The following PCDH15 variants were observed in gnomAD, a reference collection of about 807,000 sequenced individuals.
The protein encoded by PCDH15 is protocadherin-15.
A neutral mutation model predicts 178.5 loss-of-function variants in PCDH15; 129 were observed. That is an observed-to-expected ratio of 0.72 (90% CI 0.63 to 0.84). The LOEUF is 0.84. Among genes scored for constraint, PCDH15 ranks in the 40% least tolerant of loss-of-function variants. The pLI, the probability that PCDH15 is intolerant of heterozygous loss-of-function variation, is 0.00. For missense variants in PCDH15, 2,230 were observed against 2,099.9 expected (o/e 1.06, Z -1.21); for synonymous variants, 800 against 732.0 (o/e 1.09, Z -1.50).
At chr10:54,813,372 A>G (rs996530422) in intron 3 of PCDH15, among the ~76,000 whole-genome samples, 2 of 152,164 alleles carry the variant, frequency 1.3e-5, no homozygotes, top group African/African-American at 4.8e-5. Context: ...TGGTTATACC[A>G]GAAACTCAAA....
chr10:55,494,414 T>A (rs1280270451), intron 2 of PCDH15, among the ~76,000 whole-genome samples: 1 of 151,750 alleles, frequency 6.6e-6, no homozygotes, highest in Non-Finnish European at 1.5e-5. Flanking sequence ...CACTTTTGAT[T>A]GGATTGTTTA....
intron 1 of PCDH15, among the ~76,000 whole-genome samples, chr10:55,250,532 TTC>T (rs1463202038): frequency 7.1e-6 from 1 of 141,500 alleles, no homozygotes; most frequent in African/African-American, 2.7e-5. Context: ...TTTAAATAAA[TTC>T]TTTTTTTTTT....
At chr10:55,446,876 G>A (rs1257744499) in intron 2 of PCDH15, among the ~76,000 whole-genome samples, 3 of 152,002 alleles carry the variant, frequency 2.0e-5, no homozygotes, top group Admixed American at 6.6e-5. Flanking sequence ...GACTTGTGAA[G>A]CAATCAAACC....
chr10:55,022,717 T>C (rs907395736), intron 2 of PCDH15, among the ~76,000 whole-genome samples: 3 of 147,992 alleles, frequency 2.0e-5, no homozygotes, highest in African/African-American at 4.9e-5. Context: ...TTTTCTTTTT[T>C]TTTTTTTTTT....
chr10:54,335,964 G>A (rs780962359), intron 6 of PCDH15, among the ~76,000 whole-genome samples: 2 of 152,136 alleles, frequency 1.3e-5, no homozygotes, highest in South Asian at 2.1e-4. Context: ...TAATGATACG[G>A]ACAATGAAAT....
At chr10:54,381,745 G>A (rs549896505) in intron 3 of PCDH15, among the ~76,000 whole-genome samples, 1 of 152,024 alleles carries the variant, frequency 6.6e-6, no homozygotes, top group Non-Finnish European at 1.5e-5. Flanking sequence ...CCCAAGATGG[G>A]ATTCACCTTA....
intron 1 of PCDH15, among the ~76,000 whole-genome samples, chr10:55,222,730 C>CACACACACACACACACACATATATAT: frequency 2.5e-5 from 3 of 121,250 alleles, no homozygotes; most frequent in African/African-American, 1.0e-4. Flanking sequence ...CACACACACA[C>CACACACACACACACACACATATATAT]ATATATATAT....
At chr10:55,495,672 A>G (rs549824221) in intron 2 of PCDH15, among the ~76,000 whole-genome samples, 22 of 151,976 alleles carry the variant, frequency 1.4e-4, no homozygotes, top group Admixed American at 1.4e-3. Flanking sequence ...GTTCTTTAAG[A>G]AACAAATTTT....
intron 2 of PCDH15, among the ~76,000 whole-genome samples, chr10:55,414,959 G>A (rs1348824132): frequency 6.6e-6 from 1 of 151,484 alleles, no homozygotes; most frequent in Non-Finnish European, 1.5e-5. Context: ...CTAGCACTAT[G>A]TTCAGTAGAA....
intron 2 of PCDH15, among the ~76,000 whole-genome samples, chr10:55,586,184 A>G (rs968806978): frequency 2.0e-5 from 3 of 152,142 alleles, no homozygotes; most frequent in African/African-American, 7.2e-5. Flanking sequence ...AGATATAGAA[A>G]CAGATGCCAA....
At chr10:54,702,937 TTGA>T (rs1339186501) in intron 1 of PCDH15, among the ~76,000 whole-genome samples, 1 of 151,924 alleles carries the variant, frequency 6.6e-6, no homozygotes, top group Non-Finnish European at 1.5e-5. Context: ...GCCAGTATTC[TTGA>T]TGGACATAAA....
At chr10:54,484,350 A>G (rs2078939699) in intron 3 of PCDH15, among the ~76,000 whole-genome samples, 1 of 151,946 alleles carries the variant, frequency 6.6e-6, no homozygotes, top group Admixed American at 6.6e-5. Context: ...GGACTCACTC[A>G]AACACCTAAT....
chr10:55,182,294 T>C (rs1448884174), intron 1 of PCDH15, among the ~76,000 whole-genome samples: 1 of 151,930 alleles, frequency 6.6e-6, no homozygotes, highest in Non-Finnish European at 1.5e-5. Context: ...GACTTCAAAG[T>C]ATAAAATTAC....
chr10:54,524,509 G>A (rs978437419), intron 3 of PCDH15, among the ~76,000 whole-genome samples: 1 of 152,230 alleles, frequency 6.6e-6, no homozygotes, highest in Non-Finnish European at 1.5e-5. Flanking sequence ...GGACTCTGAT[G>A]TGGCTGGCAC....
chr10:55,219,691 G>C (rs1840814255), intron 1 of PCDH15, among the ~76,000 whole-genome samples: 1 of 151,778 alleles, frequency 6.6e-6, no homozygotes, highest in Non-Finnish European at 1.5e-5. Flanking sequence ...GCAATAATTT[G>C]AGAAGATAAC....
intron 3 of PCDH15, among the ~76,000 whole-genome samples, chr10:54,823,244 C>G (rs149433331): frequency 6.6e-6 from 1 of 151,962 alleles, no homozygotes; most frequent in Non-Finnish European, 1.5e-5. Flanking sequence ...CACACGCACA[C>G]GCATATACAT....
chr10:54,487,385 T>C (rs562378350), intron 3 of PCDH15, among the ~76,000 whole-genome samples: 1 of 152,112 alleles, frequency 6.6e-6, no homozygotes, highest in African/African-American at 2.4e-5. Flanking sequence ...AATTAATTAA[T>C]GTATACAAGT....
At chr10:54,840,868 C>A (rs753991082) in intron 3 of PCDH15, among the ~76,000 whole-genome samples, 1 of 151,640 alleles carries the variant, frequency 6.6e-6, no homozygotes, top group Admixed American at 6.6e-5. Flanking sequence ...ATTGATTCAT[C>A]GAGAGGATAT....
chr10:54,310,702 A>G (rs1464155646), intron 8 of PCDH15, among the ~76,000 whole-genome samples: 1 of 152,108 alleles, frequency 6.6e-6, no homozygotes, highest in African/African-American at 2.4e-5. Context: ...GAGGAAAAAT[A>G]GAACTCTATA....
Sources: gnomAD v4.1 joint callset for allele counts (sites outside exome capture counted in the v4.1 genomes callset) on GRCh38, gnomAD v4.1.1 for gene constraint, MANE v1.5 for transcripts, NCBI Gene and HGNC (gene_info 2026-07-23, HGNC 2026-07-21) for gene names.